The following PCDH15 variants were observed in gnomAD, a reference collection of about 807,000 sequenced individuals.
The protein encoded by PCDH15 is protocadherin-15.
A neutral mutation model predicts 178.5 loss-of-function variants in PCDH15; 129 were observed. That is an observed-to-expected ratio of 0.72 (90% CI 0.63 to 0.84). The LOEUF (loss-of-function observed/expected upper bound fraction) is 0.84. PCDH15 is among the 40% of genes least tolerant of loss of function. PCDH15 has a pLI of 0.00. For synonymous variants in PCDH15, 800 were observed against 732.0 expected (o/e 1.09, Z -1.50); for missense variants, 2,230 against 2,099.9 (o/e 1.06, Z -1.21).
intron 2 of PCDH15, among the ~76,000 whole-genome samples, chr10:54,616,896 C>T (rs2093175900): frequency 6.6e-6 from 1 of 151,972 alleles, no homozygotes; most frequent in Non-Finnish European, 1.5e-5. Flanking sequence ...AAGCTTATAA[C>T]TTCTTTGTAA....
rs1840976414 is a variant in PCDH15, at chr10:53,803,301, C to T, written c.*3278G>A. The stretch of plus-strand genomic sequence containing the variant: ...TAAATCCCACTTAAGGTATAAAGTG[C>T]AGAAGGTGAAGCAGAGAAAGAGAAA... On this transcript the variant is annotated 3_prime_UTR_variant, in exon 38 of 38. Coordinates refer to ENST00000644397, the MANE Select transcript of PCDH15 (RefSeq NM_001384140.1). The T allele has an allele frequency of 6.6e-6, 1 of 151,732 alleles. No homozygotes were observed. The highest frequency in any genetic ancestry group is 2.4e-5 in the African/African-American group (1 of 41,346). The allele number at this position is 151,732 out of a possible 1,614,324, so 9.4% of individuals were successfully genotyped here.
intron 16 of PCDH15, among the ~76,000 whole-genome samples, chr10:54,080,098 G>A (rs939751460): frequency 6.6e-6 from 1 of 151,814 alleles, no homozygotes; most frequent in Non-Finnish European, 1.5e-5. Flanking sequence ...AAATATAATT[G>A]TATTAGAATT....
chr10:54,456,031 G>A (rs976368953), intron 3 of PCDH15, among the ~76,000 whole-genome samples: 1 of 152,196 alleles, frequency 6.6e-6, no homozygotes, highest in Non-Finnish European at 1.5e-5. Flanking sequence ...TGGATACCCA[G>A]GCACAAGTTT....
chr10:55,375,374 A>T (rs1025949120), intron 2 of PCDH15, among the ~76,000 whole-genome samples: 2 of 151,996 alleles, frequency 1.3e-5, no homozygotes, highest in African/African-American at 2.4e-5. Flanking sequence ...GGAATATGGG[A>T]TGTTCTCATA....
chr10:54,518,155 G>C (rs2082424302), intron 3 of PCDH15, among the ~76,000 whole-genome samples: 1 of 152,044 alleles, frequency 6.6e-6, no homozygotes, highest in East Asian at 1.9e-4. Context: ...AAAAGAACTA[G>C]AAAAGCAAGA....
At chr10:54,504,127 T>C (rs191462623) in intron 3 of PCDH15, among the ~76,000 whole-genome samples, 1 of 152,268 alleles carries the variant, frequency 6.6e-6, no homozygotes, top group East Asian at 1.9e-4. Context: ...TGTAAAAATG[T>C]ACATATTTGG....
intron 15 of PCDH15, among the ~76,000 whole-genome samples, chr10:54,098,276 T>C (rs532181052): frequency 6.6e-6 from 1 of 150,466 alleles, no homozygotes; most frequent in African/African-American, 2.4e-5. Flanking sequence ...GTTAAACACA[T>C]TCCAAAAGAC....
chr10:54,856,753 C>T (rs987474326), intron 3 of PCDH15, among the ~76,000 whole-genome samples: 1 of 152,098 alleles, frequency 6.6e-6, no homozygotes, highest in Non-Finnish European at 1.5e-5. Flanking sequence ...GTCTGATGAT[C>T]CTGTGCATAT....
intron 1 of PCDH15, among the ~76,000 whole-genome samples, chr10:55,304,448 G>A (rs969480159): frequency 6.6e-6 from 1 of 151,968 alleles, no homozygotes; most frequent in African/African-American, 2.4e-5. Context: ...CCACCTTTCA[G>A]GTTTTTATGT....
intron 2 of PCDH15, among the ~76,000 whole-genome samples, chr10:54,995,483 G>T (rs551732663): frequency 1.3e-5 from 2 of 150,398 alleles, no homozygotes; most frequent in Admixed American, 6.6e-5. Flanking sequence ...CTGGTATATT[G>T]TATGAATCCC....
intron 2 of PCDH15, among the ~76,000 whole-genome samples, chr10:55,067,304 G>A (rs531684010): frequency 6.6e-6 from 1 of 151,986 alleles, no homozygotes; most frequent in South Asian, 2.1e-4. Context: ...AAGTTTTTTG[G>A]TTCTCATATA....
At chr10:55,587,936 A>G (rs1383204574) in intron 2 of PCDH15, among the ~76,000 whole-genome samples, 2 of 152,186 alleles carry the variant, frequency 1.3e-5, no homozygotes, top group Non-Finnish European at 2.9e-5. Flanking sequence ...GGGAAAAAGA[A>G]AGAAAGCAGA....
At chr10:54,235,977 C>G (rs1330327827) in intron 9 of PCDH15, among the ~76,000 whole-genome samples, 3 of 152,108 alleles carry the variant, frequency 2.0e-5, no homozygotes, top group Non-Finnish European at 4.4e-5. Context: ...AAGAAGGATA[C>G]AGTATGATAT....
At chr10:55,605,546 C>T (rs1843196189) in intron 2 of PCDH15, among the ~76,000 whole-genome samples, 1 of 150,632 alleles carries the variant, frequency 6.6e-6, no homozygotes, top group Non-Finnish European at 1.5e-5. Flanking sequence ...AGCTTATCCA[C>T]CATGATCAAG....
intron 1 of PCDH15, among the ~76,000 whole-genome samples, chr10:55,259,902 C>CAAAAAAAA (rs749939571): frequency 2.1e-4 from 11 of 52,010 alleles, no homozygotes; most frequent in East Asian, 1.2e-3. Flanking sequence ...AACTCCGTCT[C>CAAAAAAAA]AAAAAAAAAA....
chr10:54,240,175 C>T (rs1279489414), intron 8 of PCDH15, among the ~76,000 whole-genome samples: 1 of 151,622 alleles, frequency 6.6e-6, no homozygotes, highest in Non-Finnish European at 1.5e-5. Context: ...CAAGAACAAC[C>T]CAGATTGAAA....
At chr10:55,242,101 C>T (rs1230639921) in intron 1 of PCDH15, among the ~76,000 whole-genome samples, 1 of 152,176 alleles carries the variant, frequency 6.6e-6, no homozygotes, top group Non-Finnish European at 1.5e-5. Flanking sequence ...GTGCACATGA[C>T]TAGTGAGGAG....
intron 5 of PCDH15, among the ~76,000 whole-genome samples, chr10:54,351,356 T>C (rs1228830589): frequency 1.3e-5 from 2 of 152,102 alleles, no homozygotes; most frequent in African/African-American, 4.8e-5. Context: ...GTGTTAGTAG[T>C]GAACTGAAAT....
chr10:54,345,548 A>T (rs1256489491), intron 6 of PCDH15, among the ~76,000 whole-genome samples: 1 of 152,070 alleles, frequency 6.6e-6, no homozygotes, highest in African/African-American at 2.4e-5. Flanking sequence ...AGTTAAAAAA[A>T]ATCTTACTTT....
Sources: allele counts gnomAD v4.1 joint callset (sites outside exome capture counted in the v4.1 genomes callset), GRCh38; gene constraint gnomAD v4.1.1; transcripts MANE v1.5; gene names NCBI Gene and HGNC (gene_info 2026-07-23, HGNC 2026-07-21).